BACH1: variants seen among roughly 807,000 people sequenced by gnomAD.
The protein encoded by BACH1 is transcription regulator protein BACH1.
Under a neutral mutation model 52.9 loss-of-function variants are expected in BACH1, and 35 were observed. The observed-to-expected ratio is 0.66, with a 90% CI of 0.51 to 0.88. The LOEUF is 0.88. BACH1 is among the 40% of genes least tolerant of loss of function. BACH1 has a pLI of 0.00. For missense variants in BACH1, 808 were observed against 872.6 expected, an observed-to-expected ratio of 0.93 and a Z score of 0.93; for synonymous variants, 321 against 319.6, an observed-to-expected ratio of 1.00 and a Z score of -0.05.
chr21:29,353,697 G>T (rs1411073064), intron 2 of BACH1, among the ~76,000 whole-genome samples: 1 of 152,164 alleles, frequency 6.6e-6, no homozygotes, highest in Non-Finnish European at 1.5e-5. Context: ...CTTAATCTTA[G>T]TGAGGGGGGC....
In BACH1 at chr21:29,345,497, C is replaced by T. The variant is rs73342485; in HGVS notation, c.*2664C>T. 4 of 152,136 alleles carry T rather than the reference C, an allele frequency of 2.6e-5. No individual in the cohort carries two copies. The highest frequency in any genetic ancestry group is 9.6e-5 in the African/African-American group (4 of 41,510). The allele number at this position is 152,136 out of a possible 1,614,324, so 9.4% of individuals were successfully genotyped here. A position where few individuals can be genotyped will look rare whatever the true frequency, so the allele number is the denominator to read the frequency against. ...TGTTGAATTCAGTAAAATAACATTACCTTATTTTTTTTCTTATTCAAATTC... is the reference window on the plus strand; with the variant it reads ...TGTTGAATTCAGTAAAATAACATTATCTTATTTTTTTTCTTATTCAAATTC... On this transcript the variant is annotated 3_prime_UTR_variant, in exon 5 of 5. Coordinates refer to ENST00000286800, the MANE Select transcript of BACH1 (RefSeq NM_001186.4).
Position 29,329,576 on chromosome 21 carries a change from A to G in BACH1, c.1659A>G (p.Glu553=), listed in dbSNP as rs1365364976. ...SLLKMHKLTP[E]QLDCIHDIRR... The stretch of plus-strand genomic sequence containing the variant: ...TGAAAATGCACAAGCTTACTCCAGA[A>G]CAGCTGGATTGTATCCATGATATTC... The change falls in exon 4 of 5, where the codon GAA becomes GAG. Residue 553 remains glutamate, a synonymous_variant. Coordinates refer to ENST00000286800, the MANE Select transcript of BACH1 (RefSeq NM_001186.4). The G allele has an allele frequency of 1.9e-6, 3 of 1,606,390 alleles. No individual in the cohort carries two copies. The highest frequency in any genetic ancestry group is 4.5e-5 in the East Asian group (2 of 44,728).
intron 4 of BACH1, among the ~76,000 whole-genome samples, chr21:29,331,968 T>G (rs1036261804): frequency 6.6e-6 from 1 of 152,218 alleles, no homozygotes; most frequent in Non-Finnish European, 1.5e-5. Context: ...TGGCATGATC[T>G]CGGCTCACTG....
chr21:29,318,518 C>T (rs1000001670), intron 1 of BACH1, among the ~76,000 whole-genome samples: 2 of 152,224 alleles, frequency 1.3e-5, no homozygotes, highest in African/African-American at 4.8e-5. Context: ...CTGCAGCTGA[C>T]AGGACTTGGG....
intron 2 of BACH1, among the ~76,000 whole-genome samples, chr21:29,323,309 A>G (rs2088870585): frequency 1.3e-5 from 2 of 152,174 alleles, no homozygotes; most frequent in South Asian, 2.1e-4. Context: ...GAAGGAAGCT[A>G]GTAGTGGCCC....
chr21:29,342,371 C>T (rs2089123849), intron 4 of BACH1, 28 bp from the exon 5 acceptor site: 7 of 1,586,500 alleles, frequency 4.4e-6, no homozygotes, highest in African/African-American at 1.4e-5. Flanking sequence ...AAACACAAGC[C>T]ATTGTGTTCT....
Position 29,328,280 on chromosome 21 carries a change from A to G in BACH1, c.1569+887A>G, listed in dbSNP as rs1035126370. ...AGCTGGTATGATATTAATCAAAGCA[A>G]GCTTGATTTGTATATTCTGTTTGTA... On this transcript the variant is annotated intron_variant, in intron 3 of 4. Transcript: ENST00000286800. Among the ~76,000 whole-genome samples, 118 of 152,352 alleles carry G rather than the reference A, an allele frequency of 7.7e-4. 1 individual carries two copies. Among genetic ancestry groups the G allele is most frequent in the African/African-American group, 2.7e-3 (113 of 41,590 alleles).
intron 1 of BACH1, among the ~76,000 whole-genome samples, chr21:29,306,257 G>A (rs558518850): frequency 4.6e-4 from 70 of 151,314 alleles, no homozygotes; most frequent in South Asian, 4.4e-3. Flanking sequence ...TGCAGGCAAC[G>A]TCCTTGTTTT....
At chr21:29,358,712 C>A (rs1425727227) in intron 2 of BACH1, among the ~76,000 whole-genome samples, 1 of 147,780 alleles carries the variant, frequency 6.8e-6, no homozygotes, top group Non-Finnish European at 1.5e-5. Context: ...TGCATTCCAG[C>A]CTGGGTGACA....
intron 4 of BACH1, among the ~76,000 whole-genome samples, chr21:29,338,484 C>A (rs988558713): frequency 6.6e-6 from 1 of 152,116 alleles, no homozygotes; most frequent in Non-Finnish European, 1.5e-5. Flanking sequence ...AGCAAATCCT[C>A]TCATATCAGC....
rs759873779 is a variant in BACH1, at chr21:29,342,804, A to G, written c.2182A>G (p.Met728Val). Residue 728 changes from methionine to valine, a missense_variant, in exon 5 of 5, where the codon ATG (methionine) becomes GTG (valine). Transcript: ENST00000286800. ...SGGISDFCQQ[M>V]TDKCTTDE Reference sequence around the variant, plus strand: ...TGGGATCTCAGATTTCTGTCAGCAGATGACTGATAAATGTACTACTGATGA... The same window carrying G: ...TGGGATCTCAGATTTCTGTCAGCAGGTGACTGATAAATGTACTACTGATGA... 1.9e-6 allele frequency: 3 copies of G among 1,607,800 alleles called. No individual in the cohort carries two copies. In the Admixed American group the frequency reaches 5.0e-5, roughly 27 times the overall value.
At chr21:29,348,777 C>G (rs2089185708), downstream of BACH1, among the ~76,000 whole-genome samples, 1 of 152,086 alleles carries the variant, frequency 6.6e-6, no homozygotes, top group South Asian at 2.1e-4. Flanking sequence ...AAGTTGCCTC[C>G]TAGGGATGGA....
chr21:29,328,064 C>A (rs915190941), intron 3 of BACH1, among the ~76,000 whole-genome samples: 2 of 152,206 alleles, frequency 1.3e-5, no homozygotes, highest in South Asian at 4.1e-4. Flanking sequence ...CAGTCTTGCT[C>A]ATTGCCAACA....
At chr21:29,317,651 C>T (rs1219897656) in intron 1 of BACH1, among the ~76,000 whole-genome samples, 2 of 152,080 alleles carry the variant, frequency 1.3e-5, no homozygotes, top group Non-Finnish European at 2.9e-5. Context: ...AGTGATATGC[C>T]ATTTATTTGG....
intron 4 of BACH1, among the ~76,000 whole-genome samples, chr21:29,331,987 G>A (rs1270835159): frequency 1.3e-5 from 2 of 151,996 alleles, no homozygotes; most frequent in East Asian, 1.9e-4. Context: ...TGCAACTTCC[G>A]CTTCCCGGGT....
At position 29,342,917 on chromosome 21, in the gene BACH1, C is replaced by A; in HGVS notation, c.*84C>A. ...GAAAGCCTAATATGACCATCTGTTG[C>A]TCAACAATACTGTTTTTTTCCTTTA... is the stretch of plus-strand genomic sequence containing the variant. On this transcript the variant is annotated 3_prime_UTR_variant, in exon 5 of 5. Transcript: ENST00000286800. 2 of 1,310,552 alleles carry A rather than the reference C, an allele frequency of 1.5e-6. No homozygotes were observed. Among genetic ancestry groups the A allele is most frequent in the Non-Finnish European group, 2.1e-6 (2 of 968,940 alleles). 81.2% of individuals were successfully genotyped at this position (1,310,552 alleles called of 1,614,324 possible).
chr21:29,302,625 A>C (rs967718107), intron 1 of BACH1, among the ~76,000 whole-genome samples: 3 of 152,338 alleles, frequency 2.0e-5, no homozygotes, highest in East Asian at 3.9e-4. Context: ...TGTGAGGATT[A>C]TATGCGTTAA....
intron 1 of BACH1, among the ~76,000 whole-genome samples, chr21:29,303,006 C>T (rs958518114): frequency 6.6e-6 from 1 of 152,202 alleles, no homozygotes; most frequent in Non-Finnish European, 1.5e-5. Context: ...GTCTTTTCCA[C>T]GTTGTAGTTG....
chr21:29,335,882 C>T (rs903736995), intron 4 of BACH1, among the ~76,000 whole-genome samples: 1 of 152,170 alleles, frequency 6.6e-6, no homozygotes, highest in Non-Finnish European at 1.5e-5. Flanking sequence ...CTCTTCCTCT[C>T]CTTTTATTTT....
Sources: gnomAD v4.1 joint callset for allele counts (sites outside exome capture counted in the v4.1 genomes callset) on GRCh38, gnomAD v4.1.1 for gene constraint, MANE v1.5 for transcripts, NCBI Gene and HGNC (gene_info 2026-07-23, HGNC 2026-07-21) for gene names.